The following NCOR2 variants were observed in gnomAD, a reference collection of about 807,000 sequenced individuals.
The protein encoded by NCOR2 is nuclear receptor corepressor 2.
Under a neutral mutation model 262.9 loss-of-function variants are expected in NCOR2, and 81 were observed. The ratio of observed to expected loss-of-function variants is 0.31; its 90% CI spans 0.26 to 0.37. The LOEUF is 0.37. Ranked by LOEUF, NCOR2 falls within the 10% of genes least tolerant of loss-of-function variation. The pLI is 1.00. For missense variants in NCOR2, 3,385 were observed against 3,621.4 expected (o/e 0.93, Z 1.68); for synonymous variants, 1,659 against 1,559.3 (o/e 1.06, Z -1.51).
intron 17 of NCOR2, among the ~76,000 whole-genome samples, chr12:124,381,714 T>G (rs1593296698): frequency 6.6e-6 from 1 of 152,220 alleles, no homozygotes; most frequent in East Asian, 1.9e-4. Context: ...TCTGCAGGCC[T>G]GTGCAGCCTC....
In NCOR2 at chr12:124,432,121, G is replaced by GAC. The variant is rs2043990559; in HGVS notation, c.883-1336_883-1335dup. Among the ~76,000 whole-genome samples the GAC allele has an allele frequency of 6.6e-6, 1 of 151,734 alleles. No individual in the cohort carries two copies. Among genetic ancestry groups the GAC allele is most frequent in the Non-Finnish European group, 1.5e-5 (1 of 67,954 alleles). On this transcript the variant is annotated intron_variant, in intron 8 of 46. Coordinates refer to ENST00000405201, the Ensembl canonical transcript of NCOR2. This position sits in a 1 kb window ranked among gnomAD's most constrained non-coding sequence, Gnocchi z 5.1. Reference sequence around the variant, plus strand: ...CGGTCATCCAGGCAGACATATGACAGACACACACACAGTCGCAGGCAGACA... The same window carrying GAC: ...CGGTCATCCAGGCAGACATATGACAGACACACACACACAGTCGCAGGCAGACA...
Position 124,501,530 on chromosome 12 carries a change from C to T in NCOR2, c.-117-6162G>A, listed in dbSNP as rs139242584. The stretch of plus-strand genomic sequence containing the variant: ...CCTTCCTACTTCCTCACTCCTCCAG[C>T]TCTGGTGGCCCCGGCAACCCCCGGT... On this transcript the variant is annotated intron_variant, in intron 1 of 46. Coordinates refer to the NCOR2 transcript ENST00000404621. Among the ~76,000 whole-genome samples, 472 of 152,144 alleles carry T rather than the reference C, an allele frequency of 3.1e-3. 3 individuals are homozygous for T. The highest frequency in any genetic ancestry group is 9.4e-3 in the African/African-American group (389 of 41,492).
At chr12:124,347,743 T>C in intron 30 of NCOR2, 82 bp downstream of exon 32, 1 of 1,404,494 alleles carries the variant, frequency 7.1e-7, no homozygotes, top group Non-Finnish European at 9.8e-7. Flanking sequence ...CCCACCACAC[T>C]CTGGCTGTGT....
intron 27 of NCOR2, 27 bp downstream of exon 29, chr12:124,354,066 C>T (rs561300817): frequency 1.3e-6 from 2 of 1,594,252 alleles, no homozygotes; most frequent in Admixed American, 3.4e-5. Flanking sequence ...CCCAACCGTC[C>T]TTCCTGCCGC....
At position 124,372,968 on chromosome 12, in the gene NCOR2, C is replaced by T. The variant is rs78582073; in HGVS notation, c.2219-358G>A. On this transcript the variant is annotated intron_variant, in intron 19 of 46. Coordinates refer to ENST00000405201, the Ensembl canonical transcript of NCOR2. Reference sequence around the variant, plus strand: ...TTCGTCCTGGGGGTCTCCATGTTCTCATCTGAGCTCTAACCCCGGCTCTGC... The same window carrying T: ...TTCGTCCTGGGGGTCTCCATGTTCTTATCTGAGCTCTAACCCCGGCTCTGC... Among the ~76,000 whole-genome samples the T allele has an allele frequency of 5.1e-3, 779 of 152,356 alleles. 35 individuals carry two copies. In the East Asian group the frequency reaches 0.11, roughly 21 times the overall value.
intron 17 of NCOR2, chr12:124,383,426 A>C: frequency 1.9e-6 from 1 of 514,248 alleles, no homozygotes; most frequent in Non-Finnish European, 2.9e-6. Context: ...CAGCGGCTTC[A>C]CTGGTGGTCA....
At position 124,457,360 on chromosome 12, in the gene NCOR2, C is replaced by G. The variant is rs1013874009; in HGVS notation, c.706-198G>C. 4.0e-5 allele frequency among the ~76,000 whole-genome samples: 6 copies of G among 151,868 alleles called. No homozygotes were observed. Among genetic ancestry groups the G allele is most frequent in the Non-Finnish European group, 8.8e-5 (6 of 67,926 alleles). On this transcript the variant is annotated intron_variant, in intron 5 of 46. Transcript: ENST00000405201. The surrounding 1 kb of genome is among the most constrained non-coding windows in gnomAD (Gnocchi z 4.0). ...AAACACAGAGGAGCCTCAATACCCC[C>G]ACAGCGGCCCCAGCAAGCCAGCCAA...
intron 27 of NCOR2, among the ~76,000 whole-genome samples, chr12:124,353,871 C>A (rs4765554): frequency 1.3e-5 from 2 of 152,080 alleles, no homozygotes; most frequent in African/African-American, 2.4e-5. Flanking sequence ...TGTTTCCTTC[C>A]ACTACATGGC....
intron 3 of NCOR2, among the ~76,000 whole-genome samples, chr12:124,480,226 G>A (rs967988250): frequency 2.0e-5 from 3 of 152,236 alleles, no homozygotes; most frequent in Admixed American, 2.0e-4. Flanking sequence ...GCAGGAGGAG[G>A]ATGGCCTTTG....
chr12:124,409,016 A>G (rs2042425200), intron 13 of NCOR2, among the ~76,000 whole-genome samples: 1 of 152,218 alleles, frequency 6.6e-6, no homozygotes, highest in South Asian at 2.1e-4. Context: ...CAACCGGCAC[A>G]TGCTACAAAC....
At chr12:124,394,923 C>G (rs2041551199) in intron 16 of NCOR2, among the ~76,000 whole-genome samples, 1 of 152,172 alleles carries the variant, frequency 6.6e-6, no homozygotes, top group African/African-American at 2.4e-5. Flanking sequence ...CCTGAGGTCA[C>G]ACAGCTGAAA....
At chr12:124,354,918 C>A in exon 25 of NCOR2, 1 of 1,612,836 alleles carries the variant, frequency 6.2e-7, no homozygotes, top group Non-Finnish European at 8.5e-7. Context: ...GAGTACGGGA[C>A]GTGGAGCTGG....
In NCOR2 at chr12:124,476,237, G is replaced by T. The variant is rs544564411; in HGVS notation, c.412-3106C>A. On this transcript the variant is annotated intron_variant, in intron 3 of 46. Transcript: ENST00000405201. ...ACCCCTTCTGTGCCAACTGACGTGAGACATCCCCACGCCACCGCCCAGGCC... is the reference window on the plus strand; with the variant it reads ...ACCCCTTCTGTGCCAACTGACGTGATACATCCCCACGCCACCGCCCAGGCC... Among the ~76,000 whole-genome samples, 3 of 152,318 alleles carry T rather than the reference G, an allele frequency of 2.0e-5. No individual in the cohort carries two copies. In the East Asian group the frequency reaches 5.8e-4, roughly 29 times the overall value.
chr12:124,435,871 G>C (rs2044305851), intron 8 of NCOR2, among the ~76,000 whole-genome samples: 1 of 152,220 alleles, frequency 6.6e-6, no homozygotes, highest in Non-Finnish European at 1.5e-5. Flanking sequence ...GTGTGACCTA[G>C]GGCAAGTTAC....
At chr12:124,356,352 C>T (rs1359134163) in intron 23 of NCOR2, among the ~76,000 whole-genome samples, 2 of 152,226 alleles carry the variant, frequency 1.3e-5, no homozygotes, top group African/African-American at 4.8e-5. Context: ...TACCATCTGC[C>T]CATTCTCTAG....
chr12:124,563,071 C>T (rs562015277), intron 1 of NCOR2, among the ~76,000 whole-genome samples: 1 of 152,268 alleles, frequency 6.6e-6, no homozygotes, highest in African/African-American at 2.4e-5. Flanking sequence ...GCCCTTTGCC[C>T]CTAAAGGCTC....
intron 15 of NCOR2, 119 bp from the exon 18 acceptor site, chr12:124,398,300 C>A (rs906692886): frequency 8.5e-6 from 9 of 1,062,258 alleles, no homozygotes; most frequent in Admixed American, 7.7e-5. Flanking sequence ...TGTCACCGCA[C>A]GGCTCTGAAC....
intron 14 of NCOR2, 70 bp downstream of exon 16, chr12:124,402,334 C>T (rs368524966): frequency 1.0e-5 from 16 of 1,594,444 alleles, no homozygotes; most frequent in Non-Finnish European, 1.3e-5. Context: ...TACAAAGGGT[C>T]CCCCAGAACC....
At chr12:124,489,292 C>G (rs943962303) in intron 1 of NCOR2, among the ~76,000 whole-genome samples, 1 of 152,182 alleles carries the variant, frequency 6.6e-6, no homozygotes, top group African/African-American at 2.4e-5. Flanking sequence ...AATAAATTGC[C>G]TTTGTGTACC....
Sources: gnomAD v4.1 joint callset for allele counts (sites outside exome capture counted in the v4.1 genomes callset) on GRCh38, gnomAD v4.1.1 for gene constraint, Gnocchi (gnomAD v3.1) non-coding constraint, MANE v1.5 for transcripts, NCBI Gene and HGNC (gene_info 2026-07-23, HGNC 2026-07-21) for gene names.